The following NTMT1 variants were observed in gnomAD, a reference collection of about 807,000 sequenced individuals.
NTMT1 encodes the protein N-terminal RCC1 methyltransferase.
Under a neutral mutation model 17.5 loss-of-function variants are expected in NTMT1, and 8 were observed. The observed-to-expected ratio is 0.46, with a 90% CI of 0.27 to 0.82. The LOEUF is 0.82. NTMT1 is among the 40% of genes least tolerant of loss of function. NTMT1 has a pLI of 0.15. For missense variants in NTMT1, 221 were observed against 303.5 expected (o/e 0.73, Z 2.02); for synonymous variants, 128 against 126.8 (o/e 1.01, Z -0.06).
rs147397763 is a variant in NTMT1 at position 129,615,772 on chromosome 9, C to T, written c.-55+6594C>T. 2,181 of 1,082,906 alleles carry T rather than the reference C, an allele frequency of 2.0e-3. 5 individuals are homozygous for T. The highest frequency in any genetic ancestry group is 6.1e-3 in the Admixed American group (164 of 27,052). The allele number at this position is 1,082,906 out of a possible 1,614,324, so 67.1% of individuals were successfully genotyped here. On this transcript the variant is annotated intron_variant, in intron 1 of 3. Coordinates refer to the NTMT1 transcript ENST00000372486. Reference sequence around the variant, plus strand: ...TACACTGGTCTTGAAGAATGGATAACGCCAATCACAGCAGCCGGCCTTAAC... The same window carrying T: ...TACACTGGTCTTGAAGAATGGATAATGCCAATCACAGCAGCCGGCCTTAAC...
At chr9:129,630,458 T>G (rs1270112410) in intron 1 of NTMT1, among the ~76,000 whole-genome samples, 1 of 152,174 alleles carries the variant, frequency 6.6e-6, no homozygotes, top group Non-Finnish European at 1.5e-5. Context: ...ATTCTCCAGC[T>G]TGTCTTGTGT....
intron 1 of NTMT1, among the ~76,000 whole-genome samples, chr9:129,618,371 A>G (rs1038997256): frequency 1.3e-5 from 2 of 152,204 alleles, no homozygotes; most frequent in African/African-American, 4.8e-5. Flanking sequence ...AGTTAGAGTA[A>G]GAAATGGACA....
chr9:129,625,687 G>T (rs947378833), upstream of NTMT1, among the ~76,000 whole-genome samples: 1 of 152,094 alleles, frequency 6.6e-6, no homozygotes, highest in Non-Finnish European at 1.5e-5. Flanking sequence ...GCAACAGGGT[G>T]AGACCCCGTC....
At chr9:129,619,176 T>G (rs73670147) in intron 1 of NTMT1, among the ~76,000 whole-genome samples, 6,504 of 152,080 alleles carry the variant, frequency 0.043, 179 homozygotes, top group South Asian at 0.098. Flanking sequence ...GATGGATGGA[T>G]AGATGGAGAG....
At chr9:129,629,334 C>T (rs1194738845) in intron 1 of NTMT1, among the ~76,000 whole-genome samples, 1 of 152,104 alleles carries the variant, frequency 6.6e-6, no homozygotes, top group African/African-American at 2.4e-5. Context: ...CTGTCAGCTA[C>T]CCGGGCACAT....
intron 1 of NTMT1, among the ~76,000 whole-genome samples, chr9:129,610,647 G>C (rs1830094402): frequency 6.6e-6 from 1 of 151,976 alleles, no homozygotes; most frequent in Admixed American, 6.6e-5. Flanking sequence ...TTCCGACCCT[G>C]GAGCGAGAGG....
Position 129,634,775 on chromosome 9 carries a change from G to T in NTMT1, c.416-433G>T, listed in dbSNP as rs111712645. 9.2e-4 allele frequency: 221 copies of T among 239,938 alleles called. 3 individuals are homozygous for T. Among genetic ancestry groups the T allele is most frequent in the African/African-American group, 4.4e-3 (191 of 43,736 alleles). 14.9% of individuals were successfully genotyped at this position (239,938 alleles called of 1,614,324 possible). ...CTCCTGAGGCGGGCAGCACAGGCCTGCTGTGGACACTCTAGGTCTGGCCTT... is the reference window on the plus strand; with the variant it reads ...CTCCTGAGGCGGGCAGCACAGGCCTTCTGTGGACACTCTAGGTCTGGCCTT... On this transcript the variant is annotated intron_variant, in intron 3 of 3. Transcript: ENST00000372483.
Position 129,632,052 on chromosome 9 carries a change from A to G in NTMT1, c.-54-598A>G, listed in dbSNP as rs573731314. ...GGCGTGGAAGCTTCCCTGGCCCTCC[A>G]GGGTCTGCTGGTGCTCTCGGCTTTG... On this transcript the variant is annotated intron_variant, in intron 1 of 3. Coordinates refer to ENST00000372483, the MANE Select transcript of NTMT1 (RefSeq NM_014064.4). Among the ~76,000 whole-genome samples the G allele has an allele frequency of 5.9e-5, 9 of 152,220 alleles. No individual in the cohort carries two copies. In the South Asian group the frequency reaches 1.0e-3, roughly 18 times the overall value.
rs575495973 is a variant in NTMT1 at position 129,613,344 on chromosome 9, C to T, written c.-55+4166C>T. 111 of 1,568,876 alleles carry T rather than the reference C, an allele frequency of 7.1e-5. No homozygotes were observed. Among genetic ancestry groups the T allele is most frequent in the Middle Eastern group, 7.1e-4 (4 of 5,660 alleles). On this transcript the variant is annotated intron_variant, in intron 1 of 3. Coordinates refer to the NTMT1 transcript ENST00000372486. This position sits in a 1 kb window ranked among gnomAD's most constrained non-coding sequence, Gnocchi z 6.2. ...CCCTTGAGGACCCACACTGGCAACCCGCCTGCTGCTGGGTGGGGAGGTCTG... is the reference window on the plus strand; with the variant it reads ...CCCTTGAGGACCCACACTGGCAACCTGCCTGCTGCTGGGTGGGGAGGTCTG...
chr9:129,629,384 A>C (rs958383379), intron 1 of NTMT1, among the ~76,000 whole-genome samples: 9 of 60,498 alleles, frequency 1.5e-4, no homozygotes, highest in Non-Finnish European at 2.4e-4. Context: ...TGGGAAGAAG[A>C]ATTCATTCTT....
chr9:129,629,548 G>A (rs1270089823), intron 1 of NTMT1, among the ~76,000 whole-genome samples: 1 of 152,190 alleles, frequency 6.6e-6, no homozygotes, highest in Non-Finnish European at 1.5e-5. Flanking sequence ...ATTTTTGACA[G>A]AGATGGGGTT....
At chr9:129,621,421 A>C (rs1830705709), upstream of NTMT1, among the ~76,000 whole-genome samples, 1 of 152,232 alleles carries the variant, frequency 6.6e-6, no homozygotes, top group Non-Finnish European at 1.5e-5. Context: ...CAATGGCACC[A>C]TCATAGCTCA....
intron 2 of NTMT1, 116 bp downstream of exon 2, chr9:129,632,981 G>A (rs771511245): frequency 7.4e-5 from 89 of 1,198,178 alleles, no homozygotes; most frequent in Non-Finnish European, 9.6e-5. Context: ...GCTATCTCTT[G>A]GTACCTACCC....
intron 1 of NTMT1, among the ~76,000 whole-genome samples, chr9:129,630,758 G>A (rs1222653611): frequency 6.6e-6 from 1 of 152,246 alleles, no homozygotes; most frequent in Non-Finnish European, 1.5e-5. Flanking sequence ...GGCAGCACGT[G>A]CGAGGCGGTG....
At position 129,614,259 on chromosome 9, in the gene NTMT1, T is replaced by C. The variant is rs1277663677; in HGVS notation, c.-55+5081T>C. 1.3e-5 allele frequency among the ~76,000 whole-genome samples: 2 copies of C among 152,210 alleles called. No homozygotes were observed. The highest frequency in any genetic ancestry group is 1.3e-4 in the Admixed American group (2 of 15,276). ...CGTCACCCACACAAGCCCATCCTGC[T>C]TCTGGGGCCTTGGTTTCCCCACCAA... On this transcript the variant is annotated intron_variant, in intron 1 of 3. Coordinates refer to the NTMT1 transcript ENST00000372486. This position sits in a 1 kb window ranked among gnomAD's most constrained non-coding sequence, Gnocchi z 4.4.
At position 129,613,418 on chromosome 9, in the gene NTMT1, C is replaced by T; in HGVS notation, c.-55+4240C>T. The T allele has an allele frequency of 1.2e-6, 2 of 1,611,490 alleles. No homozygotes were observed. The highest frequency in any genetic ancestry group is 1.7e-6 in the Non-Finnish European group (2 of 1,178,280). ...TGGCAATGTCCACGAGTCCCATCCG[C>T]TTCCCTGGAGCCTCACAGGCCAGCG... On this transcript the variant is annotated intron_variant, in intron 1 of 3. Transcript: ENST00000372486. This position sits in a 1 kb window ranked among gnomAD's most constrained non-coding sequence, Gnocchi z 6.2.
chr9:129,615,549 C>A, intron 1 of NTMT1: 1 of 1,610,660 alleles, frequency 6.2e-7, no homozygotes, highest in Non-Finnish European at 8.5e-7. Context: ...GAATCGCACC[C>A]GGAAAGGGCA....
chr9:129,617,298 G>C (rs1830439868), intron 1 of NTMT1, among the ~76,000 whole-genome samples: 1 of 152,194 alleles, frequency 6.6e-6, no homozygotes, highest in Non-Finnish European at 1.5e-5. Context: ...ACAGTGCCTG[G>C]CTACATGCCT....
intron 1 of NTMT1, among the ~76,000 whole-genome samples, chr9:129,630,548 G>A (rs1407965903): frequency 6.6e-6 from 1 of 152,168 alleles, no homozygotes; most frequent in Non-Finnish European, 1.5e-5. Context: ...GTTTCCCTCT[G>A]ACCACTTCTC....
Sources: allele counts gnomAD v4.1 joint callset (sites outside exome capture counted in the v4.1 genomes callset), GRCh38; gene constraint gnomAD v4.1.1; non-coding constraint Gnocchi (gnomAD v3.1); transcripts MANE v1.5; gene names NCBI Gene and HGNC (gene_info 2026-07-23, HGNC 2026-07-21).